Variants in OR7G2 observed in about 807,000 individuals in gnomAD.
The protein encoded by OR7G2 is olfactory receptor 7G2.
For synonymous variants in OR7G2, 153 were observed against 152.2 expected, an observed-to-expected ratio of 1.01 and a Z score of -0.04; for missense variants, 362 against 384.0, an observed-to-expected ratio of 0.94 and a Z score of 0.48.
At chr19:9,103,299 A>G (rs771542598) in intron 1 of OR7G2, 40 bp from the exon 2 acceptor site, 1 of 1,611,158 alleles carries the variant, frequency 6.2e-7, no homozygotes, top group Non-Finnish European at 8.5e-7. Flanking sequence ...CAGCAGCTGC[A>G]TCGGCATCAC....
At position 9,102,694 on chromosome 19, in the gene OR7G2, C is replaced by T. The variant is rs2050361628; in HGVS notation, c.550G>A (p.Val184Ile). ...IPLFFCELAQ[V>I]IQLTCSDTLI... ...GTGTCTGAACAGGTGAGTTGGATGACCTGAGCCAGTTCACAGAAGAAGAGC... is the reference window on the plus strand; with the variant it reads ...GTGTCTGAACAGGTGAGTTGGATGATCTGAGCCAGTTCACAGAAGAAGAGC... Residue 184 changes from valine (V) to isoleucine (I), a missense_variant, in exon 2 of 2, where the codon GTC becomes ATC. Val to Ile is a conservative substitution (Grantham distance 29, BLOSUM62 3). Transcript: ENST00000641081. 1.2e-6 allele frequency: 2 copies of T among 1,613,992 alleles called. No homozygotes were observed. Among genetic ancestry groups the T allele is most frequent in the Non-Finnish European group, 1.7e-6 (2 of 1,180,034 alleles).
intron 1 of OR7G2, among the ~76,000 whole-genome samples, chr19:9,106,669 G>A (rs532657358): frequency 2.2e-3 from 309 of 141,346 alleles, no homozygotes; most frequent in African/African-American, 7.5e-3. Flanking sequence ...CCTGGGAGGC[G>A]GAGGTTGCAG....
chr19:9,104,700 G>A (rs1449501510), intron 1 of OR7G2, among the ~76,000 whole-genome samples: 4 of 151,596 alleles, frequency 2.6e-5, no homozygotes, highest in Non-Finnish European at 5.9e-5. Context: ...GGTGGTGGGC[G>A]CCTGTGGTCC....
Position 9,102,858 on chromosome 19 carries a change from G to T in OR7G2, c.386C>A (p.Pro129His). 2.5e-6 allele frequency: 4 copies of T among 1,613,748 alleles called. No individual in the cohort carries two copies. Among genetic ancestry groups the T allele is most frequent in the Non-Finnish European group, 3.4e-6 (4 of 1,179,764 alleles). Residue 129 changes from proline to histidine, a missense_variant, in exon 2 of 2, where the codon CCC (proline) becomes CAC (histidine). Physicochemically the swap from Pro to His is moderately conservative, Grantham distance 77. Coordinates refer to ENST00000641081, the MANE Select transcript of OR7G2 (RefSeq NM_001005193.2). ...AYDRYVAICH[P>H]LRYTVIMNPR... The stretch of plus-strand genomic sequence containing the variant: ...GTTCATGATGACTGTGTATCTAAGG[G>T]GGTGACAAATGGCCACATAGCGGTC...
chr19:9,105,022 A>C (rs73004160), intron 1 of OR7G2, among the ~76,000 whole-genome samples: 44,200 of 150,722 alleles, frequency 0.29, 7,253 homozygotes, highest in East Asian at 0.6. Flanking sequence ...CCAGGTTAGA[A>C]TACAGTGGCG....
At chr19:9,107,218 A>T (rs904067802) in intron 1 of OR7G2, 96 bp downstream of exon 1, 1 of 152,086 alleles carries the variant, frequency 6.6e-6, no homozygotes, top group African/African-American at 2.4e-5. Context: ...AACCCCAAAA[A>T]ACAAAACCAC....
At chr19:9,106,774 C>T (rs901281383) in intron 1 of OR7G2, among the ~76,000 whole-genome samples, 2 of 151,552 alleles carry the variant, frequency 1.3e-5, no homozygotes, top group African/African-American at 4.9e-5. Flanking sequence ...TCAAAACCAC[C>T]GCTTCATGTT....
chr19:9,103,081 G>C lies in OR7G2; in HGVS notation c.163C>G (p.Leu55Val). ...AGGAAGAAGTACATGGGGGTGTGGAGGTGAGAGTCAGAGATGACAGCCAAG... is the reference window on the plus strand; with the variant it reads ...AGGAAGAAGTACATGGGGGTGTGGACGTGAGAGTCAGAGATGACAGCCAAG... ...ILLAVISDSH[L>V]HTPMYFFLSN... is the part of the protein sequence containing the mutation. The change falls in exon 2 of 2, where the codon CTC (leucine) becomes GTC (valine). Residue 55 changes from leucine (L) to valine (V), a missense_variant. Leu to Val is a conservative substitution (Grantham distance 32). Transcript: ENST00000641081. The C allele has an allele frequency of 6.2e-7, 1 of 1,614,052 alleles. No homozygotes were observed. The highest frequency in any genetic ancestry group is 8.5e-7 in the Non-Finnish European group (1 of 1,179,984).
Position 9,103,000 on chromosome 19 carries a change from G to A in OR7G2, c.244C>T (p.Leu82=), listed in dbSNP as rs764101718. 3.7e-6 allele frequency: 6 copies of A among 1,614,052 alleles called. No individual in the cohort carries two copies. The highest frequency in any genetic ancestry group is 5.1e-6 in the Non-Finnish European group (6 of 1,180,032). ...CGATTCTGAGCTTGGATGTTCACCA[G>A]CATCTTTGGGATCGTGGTTGTGCTT... ...CLSTTTIPKM[L]VNIQAQNRSI... The change falls in exon 2 of 2, where the codon CTG becomes TTG. Residue 82 remains leucine, a synonymous_variant. Transcript: ENST00000641081.
At position 9,100,599 on chromosome 19, in the gene OR7G2, A is replaced by G. The variant is rs2050349001; in HGVS notation, c.*1670T>C. ...ACTTATGAAGTTCAAATATCTCACA[A>G]TAATCTCAAATCACTAAGATAATCT... On this transcript the variant is annotated 3_prime_UTR_variant, in exon 2 of 2. Transcript: ENST00000641081. 1 of 152,180 alleles carries G rather than the reference A, an allele frequency of 6.6e-6. No homozygotes were observed. Among genetic ancestry groups the G allele is most frequent in the Non-Finnish European group, 1.5e-5 (1 of 68,032 alleles). 9.4% of individuals were successfully genotyped at this position (152,180 alleles called of 1,614,324 possible).
rs1230469738 is a variant in OR7G2 at position 9,100,840 on chromosome 19, C to G, written c.*1429G>C. On this transcript the variant is annotated 3_prime_UTR_variant, in exon 2 of 2. Transcript: ENST00000641081. ...TTGTCTCCAGATATAACAACAACCT[C>G]GCTTAAATCCTTTTCCTGGCAGCGC... The G allele has an allele frequency of 6.6e-6, 1 of 152,172 alleles. No individual in the cohort carries two copies. Among genetic ancestry groups the G allele is most frequent in the Non-Finnish European group, 1.5e-5 (1 of 68,052 alleles). The allele number at this position is 152,172 out of a possible 1,614,324, so 9.4% of individuals were successfully genotyped here. A position where few individuals can be genotyped will look rare whatever the true frequency, so the allele number is the denominator to read the frequency against.
chr19:9,102,955 A>G lies in OR7G2; in HGVS notation c.289T>C (p.Cys97Arg), dbSNP rs2050363725. ...AQNRSITYSGCLTQICFVLFF... is the reference protein window; with the variant it reads ...AQNRSITYSGRLTQICFVLFF... ...AAGACAAAGCAGATCTGGGTGAGGC[A>G]GCCTGAGTACGTGATGCTCCGATTC... The change falls in exon 2 of 2, where the codon TGC (cysteine) becomes CGC (arginine). Residue 97 changes from cysteine to arginine, a missense_variant. Transcript: ENST00000641081. 4.3e-6 allele frequency: 7 copies of G among 1,614,250 alleles called. No individual in the cohort carries two copies. The highest frequency in any genetic ancestry group is 5.9e-6 in the Non-Finnish European group (7 of 1,180,046).
At chr19:9,103,288 G>A (rs748258924) in intron 1 of OR7G2, 29 bp from the exon 2 acceptor site, 2 of 1,612,402 alleles carry the variant, frequency 1.2e-6, no homozygotes, top group South Asian at 1.1e-5. Context: ...AAATCTGTAA[G>A]CAGCAGCTGC....
Position 9,100,668 on chromosome 19 carries a change from C to T in OR7G2, c.*1601G>A, listed in dbSNP as rs2050349359. The T allele has an allele frequency of 1.3e-5, 2 of 152,238 alleles. No homozygotes were observed. The highest frequency in any genetic ancestry group is 4.1e-4 in the South Asian group (2 of 4,824). 9.4% of individuals were successfully genotyped at this position (152,238 alleles called of 1,614,324 possible). ...ATGATAAAACTGAGTATAATAGATG[C>T]TAATGTTGTCTAGGGAGAATATAGT... On this transcript the variant is annotated 3_prime_UTR_variant, in exon 2 of 2. Transcript: ENST00000641081.
chr19:9,101,383 A>G lies in OR7G2; in HGVS notation c.*886T>C, dbSNP rs2050352960. The G allele has an allele frequency of 6.6e-6, 1 of 151,918 alleles. No homozygotes were observed. Among genetic ancestry groups the G allele is most frequent in the Non-Finnish European group, 1.5e-5 (1 of 68,006 alleles). 9.4% of individuals were successfully genotyped at this position (151,918 alleles called of 1,614,324 possible). A position where few individuals can be genotyped will look rare whatever the true frequency, so the allele number is the denominator to read the frequency against. On this transcript the variant is annotated 3_prime_UTR_variant, in exon 2 of 2. Coordinates refer to ENST00000641081, the MANE Select transcript of OR7G2 (RefSeq NM_001005193.2). ...CCTCCTGAACTATCTACCTTCCACA[A>G]CTTTTCTTCTTCTGAGACTAATCCA...
At position 9,102,550 on chromosome 19, in the gene OR7G2, T is replaced by G. The variant is rs769010949; in HGVS notation, c.694A>C (p.Ser232Arg). 2.5e-6 allele frequency: 4 copies of G among 1,614,060 alleles called. No homozygotes were observed. In the African/African-American group the frequency reaches 5.3e-5, roughly 22 times the overall value. Residue 232 changes from serine (S) to arginine (R), a missense_variant, in exon 2 of 2, where the codon AGT (serine) becomes CGT (arginine). Physicochemically the swap from Ser to Arg is moderately radical, Grantham distance 110. Transcript: ENST00000641081. ...TSCVLRMPSA[S>R]GKHKAVSTCG... ...GTGGAAACTGCTTTGTGCTTTCCACTTGCTGATGGCATTCTCAAAACACAG... is the reference window on the plus strand; with the variant it reads ...GTGGAAACTGCTTTGTGCTTTCCACGTGCTGATGGCATTCTCAAAACACAG...
intron 1 of OR7G2, among the ~76,000 whole-genome samples, chr19:9,104,117 C>G (rs1488657503): frequency 1.3e-5 from 2 of 152,130 alleles, no homozygotes; most frequent in Non-Finnish European, 2.9e-5. Context: ...GAACTCCTGA[C>G]TTCAAGTGAT....
rs140664017 is a variant in OR7G2, at chr19:9,105,565, C to A, written c.-17+1749G>T. On this transcript the variant is annotated intron_variant, in intron 1 of 1. Coordinates refer to ENST00000641081, the MANE Select transcript of OR7G2 (RefSeq NM_001005193.2). Reference sequence around the variant, plus strand: ...ATTGCTTTATGTTAAAAACCCTCAACAGGCTGTGCGTGGTGGTTCACGCCT... The same window carrying A: ...ATTGCTTTATGTTAAAAACCCTCAAAAGGCTGTGCGTGGTGGTTCACGCCT... 6.9e-3 allele frequency among the ~76,000 whole-genome samples: 1,052 copies of A among 152,212 alleles called. 13 individuals are homozygous for A. The highest frequency in any genetic ancestry group is 0.024 in the African/African-American group (1,005 of 41,548).
chr19:9,106,263 C>T (rs538024544), intron 1 of OR7G2, among the ~76,000 whole-genome samples: 72 of 150,634 alleles, frequency 4.8e-4, no homozygotes, highest in African/African-American at 1.7e-3. Context: ...ACTACAAATA[C>T]AAAAAAATTA....
Sources: allele counts gnomAD v4.1 joint callset (sites outside exome capture counted in the v4.1 genomes callset), GRCh38; gene constraint gnomAD v4.1.1; transcripts MANE v1.5; gene names NCBI Gene and HGNC (gene_info 2026-07-23, HGNC 2026-07-21).